Variants in EXT1 observed in about 807,000 individuals in gnomAD.
EXT1 encodes the protein exostosin-1.
In EXT1, 20 loss-of-function variants were observed where a neutral mutation model predicts 82.5. The ratio of observed to expected loss-of-function variants is 0.24; its 90% confidence interval spans 0.17 to 0.35. EXT1 has a LOEUF of 0.35. Ranked by LOEUF, EXT1 falls within the 10% of genes least tolerant of loss-of-function variation. The probability of loss-of-function intolerance (pLI) is 1.00; values close to 1 mark genes in which losing one functional copy is unlikely to be tolerated. For missense variants in EXT1, 757 were observed against 936.5 expected (o/e 0.81, Z 2.50); for synonymous variants, 348 against 350.8 (o/e 0.99, Z 0.09).
At chr8:117,896,550 C>A (rs1813340707) in intron 1 of EXT1, among the ~76,000 whole-genome samples, 1 of 152,182 alleles carries the variant, frequency 6.6e-6, no homozygotes, top group Admixed American at 6.5e-5. Context: ...CACTCCTCTG[C>A]CAACTCTCAC....
intron 1 of EXT1, among the ~76,000 whole-genome samples, chr8:118,109,442 AATGCATGCATGC>A (rs66559930): frequency 2.0e-5 from 3 of 150,444 alleles, no homozygotes; most frequent in Non-Finnish European, 3.0e-5. Flanking sequence ...TGAATGAATG[AATGCATGCATGC>A]ATGCATGCAT....
intron 1 of EXT1, among the ~76,000 whole-genome samples, chr8:117,940,548 C>T (rs1412927484): frequency 6.6e-6 from 1 of 152,114 alleles, no homozygotes; most frequent in Non-Finnish European, 1.5e-5. Flanking sequence ...TGGGGAGTAG[C>T]TATTTAAAGG....
rs753126504 is a variant in EXT1 at position 118,110,214 on chromosome 8, T to G, written c.833A>C (p.Asp278Ala). ...GACGTGATATAAGGCATTCCTGGTG[T>G]CTGATCCTATCCCTGTCAGGTACCT... The part of the protein sequence containing the change: ...GKRYLTGIGS[D>A]TRNALYHVHN... Residue 278 changes from aspartate (D) to alanine (A), a missense_variant, in exon 1 of 11, where the codon GAC becomes GCC. Physicochemically the swap from Asp to Ala is moderately radical, Grantham distance 126. Around this residue, in one of 4 missense-constraint regions of EXT1, gnomAD observed 247 missense variants for 330.1 expected, o/e 0.75. Coordinates refer to ENST00000378204, the MANE Select transcript of EXT1 (RefSeq NM_000127.3). 2 of 1,614,200 alleles carry G rather than the reference T, an allele frequency of 1.2e-6. No homozygotes were observed. Among genetic ancestry groups the G allele is most frequent in the Admixed American group, 3.3e-5 (2 of 60,030 alleles).
intron 1 of EXT1, among the ~76,000 whole-genome samples, chr8:118,057,915 T>C (rs1816820629): frequency 6.9e-6 from 1 of 144,674 alleles, no homozygotes; most frequent in African/African-American, 2.6e-5. Flanking sequence ...GAGGTTGCAG[T>C]GAGCCAAGAT....
chr8:117,920,412 A>AT (rs1376143916), intron 1 of EXT1, among the ~76,000 whole-genome samples: 13 of 152,100 alleles, frequency 8.5e-5, no homozygotes, highest in African/African-American at 2.7e-4. Context: ...CAATTTTTAA[A>AT]TTTTTTAACA....
chr8:118,080,129 TAGAGACCTCAG>T (rs1817285686), intron 1 of EXT1, among the ~76,000 whole-genome samples: 1 of 152,216 alleles, frequency 6.6e-6, no homozygotes, highest in Non-Finnish European at 1.5e-5. Flanking sequence ...ATCTGTTTGG[TAGAGACCTCAG>T]ACAATCATCA....
At chr8:118,024,045 T>C (rs1816157005) in intron 1 of EXT1, among the ~76,000 whole-genome samples, 1 of 152,130 alleles carries the variant, frequency 6.6e-6, no homozygotes, top group Non-Finnish European at 1.5e-5. Flanking sequence ...CTTCCCCCTA[T>C]CTCCCATCCA....
At chr8:117,809,873 C>T (rs762035033) in intron 8 of EXT1, among the ~76,000 whole-genome samples, 8 of 152,214 alleles carry the variant, frequency 5.3e-5, no homozygotes, top group South Asian at 2.1e-4. Context: ...TCAGCCTGGC[C>T]GTCAGCACTC....
chr8:117,795,987 G>C lies in EXT1; in HGVS notation c.*3725C>G, dbSNP rs1823083829. ...AGGCTGATAGTGAAAGAAATTTCTT[G>C]GTTAAATCTGGCCAAGAATGACAAA... On this transcript the variant is annotated 3_prime_UTR_variant, in exon 11 of 11. Transcript: ENST00000378204. 1 of 152,108 alleles carries C rather than the reference G, an allele frequency of 6.6e-6. No homozygotes were observed. The highest frequency in any genetic ancestry group is 2.4e-5 in the African/African-American group (1 of 41,424). The allele number at this position is 152,108 out of a possible 1,614,324, so 9.4% of individuals were successfully genotyped here.
intron 1 of EXT1, among the ~76,000 whole-genome samples, chr8:118,062,343 G>A (rs1816897019): frequency 6.6e-6 from 1 of 152,204 alleles, no homozygotes; most frequent in Non-Finnish European, 1.5e-5. Flanking sequence ...TTGTATCCTA[G>A]TGAAGGTGAT....
chr8:117,876,620 A>T (rs1372664339), intron 1 of EXT1, among the ~76,000 whole-genome samples: 1 of 152,222 alleles, frequency 6.6e-6, no homozygotes, highest in Non-Finnish European at 1.5e-5. Context: ...AAATAACAAT[A>T]ATAATGATAA....
chr8:117,909,607 G>A (rs1019266014), intron 1 of EXT1, among the ~76,000 whole-genome samples: 1 of 152,090 alleles, frequency 6.6e-6, no homozygotes, highest in Non-Finnish European at 1.5e-5. Context: ...AGGAGGGCCC[G>A]ACATGGATCT....
chr8:117,844,137 C>CTATTAT (rs61042253), intron 1 of EXT1, among the ~76,000 whole-genome samples: 29,841 of 142,316 alleles, frequency 0.21, 3,381 homozygotes, highest in East Asian at 0.34. Flanking sequence ...ATTTCAATTA[C>CTATTAT]TATTATTATT....
chr8:117,827,050 T>A (rs908655016), intron 4 of EXT1, among the ~76,000 whole-genome samples: 1 of 152,098 alleles, frequency 6.6e-6, no homozygotes, highest in African/African-American at 2.4e-5. Flanking sequence ...ATCAGCAAAG[T>A]GATAGATGTG....
chr8:118,090,745 C>T (rs1013744613), intron 1 of EXT1, among the ~76,000 whole-genome samples: 7 of 116,420 alleles, frequency 6.0e-5, no homozygotes, highest in Non-Finnish European at 8.2e-5. Flanking sequence ...GGCCACTGCA[C>T]TCTAGCCTGG....
At chr8:117,846,069 C>A (rs1484621500) in intron 1 of EXT1, among the ~76,000 whole-genome samples, 1 of 152,104 alleles carries the variant, frequency 6.6e-6, no homozygotes, top group African/African-American at 2.4e-5. Context: ...TCTCAGGAAG[C>A]TTTCTGAAAG....
intron 1 of EXT1, among the ~76,000 whole-genome samples, chr8:117,886,722 C>G (rs1441982280): frequency 6.6e-6 from 1 of 152,202 alleles, no homozygotes; most frequent in African/African-American, 2.4e-5. Flanking sequence ...GCCTGTTCGT[C>G]TCATTCCATG....
At chr8:118,073,634 G>T in intron 1 of EXT1, among the ~76,000 whole-genome samples, 1 of 28,274 alleles carries the variant, frequency 3.5e-5, no homozygotes, top group Non-Finnish European at 8.4e-5. Context: ...AGAAGAGAAA[G>T]AAGAGAAGAG....
chr8:117,857,002 A>T (rs1464524601), intron 1 of EXT1, among the ~76,000 whole-genome samples: 1 of 152,228 alleles, frequency 6.6e-6, no homozygotes, highest in African/African-American at 2.4e-5. Context: ...TTAGCTTTAA[A>T]GCTAAATCTA....
Sources: gnomAD v4.1 joint callset for allele counts (sites outside exome capture counted in the v4.1 genomes callset) on GRCh38, gnomAD v4.1.1 for gene constraint, gnomAD v4.1.1 regional missense constraint, MANE v1.5 for transcripts, NCBI Gene and HGNC (gene_info 2026-07-23, HGNC 2026-07-21) for gene names.